Variants in MAGED1 observed in about 807,000 individuals in gnomAD.
MAGED1 encodes melanoma-associated antigen D1.
A neutral mutation model predicts 54.1 loss-of-function variants in MAGED1; 3 were observed. The ratio of observed to expected loss-of-function variants is 0.06; its 90% CI spans 0.03 to 0.14. The LOEUF (loss-of-function observed/expected upper bound fraction) is 0.14, where lower values mean the gene tolerates loss of function less well. Ranked by LOEUF, MAGED1 falls within the 10% of genes least tolerant of loss-of-function variation. The probability of loss-of-function intolerance (pLI) is 1.00; values close to 1 mark genes in which losing one functional copy is unlikely to be tolerated. For synonymous variants in MAGED1, 217 were observed against 227.3 expected (o/e 0.95, Z 0.41); for missense variants, 485 against 623.4 (o/e 0.78, Z 2.36).
chrX:51,880,225 T>G (rs375242171), intron 1 of MAGED1, among the ~76,000 whole-genome samples: 11 of 111,878 alleles, frequency 9.8e-5, no homozygotes, highest in African/African-American at 3.6e-4. Context: ...CCCAAAGAGA[T>G]AGTTGGACCC....
At chrX:51,826,476 T>G (rs1488879129) in intron 1 of MAGED1, among the ~76,000 whole-genome samples, 2 of 111,870 alleles carry the variant, frequency 1.8e-5, no homozygotes, top group Non-Finnish European at 3.8e-5. Flanking sequence ...CCATTTTTTT[T>G]GGCAAAGATT....
At chrX:51,819,438 G>A (rs1203887139) in intron 1 of MAGED1, among the ~76,000 whole-genome samples, 1 of 109,397 alleles carries the variant, frequency 9.1e-6, no homozygotes, top group African/African-American at 3.3e-5. Flanking sequence ...GTACCATCTT[G>A]GTGTGTGTAA....
upstream of MAGED1, among the ~76,000 whole-genome samples, chrX:51,889,722 G>A (rs1484975986): frequency 9.3e-6 from 1 of 107,997 alleles, no homozygotes; most frequent in Non-Finnish European, 1.9e-5. Context: ...TGTTAGCCCT[G>A]CCACTAATGC....
At chrX:51,824,704 C>G (rs868944656) in intron 1 of MAGED1, among the ~76,000 whole-genome samples, 14 of 90,424 alleles carry the variant, frequency 1.5e-4, no homozygotes, top group South Asian at 1.2e-3. Context: ...TATATTGTCT[C>G]TGTGTGTGTG....
intron 1 of MAGED1, among the ~76,000 whole-genome samples, chrX:51,805,776 C>T (rs1182539866): frequency 9.2e-6 from 1 of 108,881 alleles, no homozygotes; most frequent in Non-Finnish European, 1.9e-5. Context: ...TCTCTTTCTC[C>T]ATGCATCCAT....
At chrX:51,871,282 T>TG (rs1194397519) in intron 1 of MAGED1, among the ~76,000 whole-genome samples, 2 of 111,781 alleles carry the variant, frequency 1.8e-5, no homozygotes, top group African/African-American at 3.3e-5. Context: ...CTTTTTTTTT[T>TG]TTTTAATTAT....
rs782006561 is a variant in MAGED1 at position 51,823,710 on chromosome X, T to G, written c.-37+20593T>G. Among the ~76,000 whole-genome samples the G allele has an allele frequency of 5.4e-5, 6 of 112,137 alleles. No individual in the cohort carries two copies. In the South Asian group the frequency reaches 1.8e-3, roughly 34 times the overall value. Reference sequence around the variant, plus strand: ...TATGTCACTTTTGTTTTTCTATTCTTACATTACTGCTTTCATTTGTCTTAA... The same window carrying G: ...TATGTCACTTTTGTTTTTCTATTCTGACATTACTGCTTTCATTTGTCTTAA... On this transcript the variant is annotated intron_variant, in intron 1 of 12. Transcript: ENST00000375772.
intron 1 of MAGED1, among the ~76,000 whole-genome samples, chrX:51,864,970 A>G (rs1173037602): frequency 9.0e-6 from 1 of 111,726 alleles, no homozygotes; most frequent in Non-Finnish European, 1.9e-5. Context: ...TGCTCTGGTT[A>G]GGGCCTCCAG....
At chrX:51,879,379 C>G (rs1557362294) in intron 1 of MAGED1, among the ~76,000 whole-genome samples, 1 of 111,257 alleles carries the variant, frequency 9.0e-6, no homozygotes, top group African/African-American at 3.3e-5. Flanking sequence ...CTGAGAATGT[C>G]TTTATTTCTC....
chrX:51,830,838 T>C (rs782031281), intron 1 of MAGED1, among the ~76,000 whole-genome samples: 1 of 112,078 alleles, frequency 8.9e-6, no homozygotes, highest in African/African-American at 3.2e-5. Flanking sequence ...AGGTTTCATA[T>C]GCTGTCTCCT....
intron 12 of MAGED1, 29 bp from the exon 13 acceptor site, chrX:51,902,117 T>G (rs1371842265): frequency 2.6e-6 from 1 of 389,847 alleles, no homozygotes; most frequent in Non-Finnish European, 4.2e-6. Flanking sequence ...ATCATTGATT[T>G]TTTTACTTCT....
chrX:51,867,631 T>C (rs1927503230), intron 1 of MAGED1, among the ~76,000 whole-genome samples: 1 of 112,100 alleles, frequency 8.9e-6, no homozygotes, highest in African/African-American at 3.2e-5. Context: ...TTAATCTCTT[T>C]TGGCAACACC....
At chrX:51,854,176 T>G (rs1428341589) in intron 1 of MAGED1, among the ~76,000 whole-genome samples, 4 of 112,356 alleles carry the variant, frequency 3.6e-5, no homozygotes, top group African/African-American at 1.3e-4. Context: ...GTCCTTGTCC[T>G]GTTTCTAAGA....
chrX:51,814,984 A>G (rs1449355311), intron 1 of MAGED1, among the ~76,000 whole-genome samples: 2 of 106,624 alleles, frequency 1.9e-5, no homozygotes, highest in African/African-American at 6.8e-5. Flanking sequence ...AAAAAAAAAA[A>G]AAAAAGAAAT....
chrX:51,902,296 TC>T lies in MAGED1; in HGVS notation c.*163del. The stretch of plus-strand genomic sequence containing the variant: ...GCTGTTCCTTGTCTACTGCTTTTTT[TC>T]CCCTTGTGTGCTGTCAAGTTTTGGT... On this transcript the variant is annotated 3_prime_UTR_variant, in exon 13 of 13. Coordinates refer to ENST00000326587, the MANE Select transcript of MAGED1 (RefSeq NM_006986.4). The T allele has an allele frequency of 6.7e-6, 1 of 148,285 alleles. No homozygotes were observed. Among genetic ancestry groups the T allele is most frequent in the Non-Finnish European group, 1.3e-5 (1 of 76,575 alleles). The allele number at this position is 148,285 out of a possible 1,213,427, so 12.2% of individuals were successfully genotyped here.
chrX:51,826,747 T>C (rs1925863540), intron 1 of MAGED1, among the ~76,000 whole-genome samples: 1 of 112,513 alleles, frequency 8.9e-6, no homozygotes, highest in Non-Finnish European at 1.9e-5. Flanking sequence ...GGTGGAAAGA[T>C]GAAGCGACAG....
intron 1 of MAGED1, among the ~76,000 whole-genome samples, chrX:51,854,419 G>T (rs1252679865): frequency 8.1e-5 from 9 of 111,661 alleles, no homozygotes; most frequent in African/African-American, 2.6e-4. Context: ...ATACAAGTAG[G>T]GGTTAGAGAA....
At chrX:51,888,239 CAA>C (rs1557362994) in intron 1 of MAGED1, among the ~76,000 whole-genome samples, 2 of 111,481 alleles carry the variant, frequency 1.8e-5, no homozygotes, top group Non-Finnish European at 3.8e-5. Flanking sequence ...ATTCCTGTAT[CAA>C]AACGTCTCAT....
intron 1 of MAGED1, among the ~76,000 whole-genome samples, chrX:51,806,577 A>G (rs898106801): frequency 1.8e-5 from 2 of 111,300 alleles, no homozygotes; most frequent in African/African-American, 6.5e-5. Context: ...TTATCCTTTT[A>G]TTGTAGATGA....
Sources: gnomAD v4.1 joint callset for allele counts (sites outside exome capture counted in the v4.1 genomes callset) on GRCh38, gnomAD v4.1.1 for gene constraint, MANE v1.5 for transcripts, NCBI Gene and HGNC (gene_info 2026-07-23, HGNC 2026-07-21) for gene names.